Variants in XIRP2 observed in about 807,000 individuals in gnomAD.
XIRP2 encodes xin actin-binding repeat-containing protein 2.
Under a neutral mutation model 277.0 loss-of-function variants are expected in XIRP2, and 236 were observed. The ratio of observed to expected loss-of-function variants is 0.85; its 90% CI spans 0.77 to 0.95. XIRP2 has a LOEUF of 0.95. Ranked by LOEUF, XIRP2 falls within the 40% of genes least tolerant of loss-of-function variation. The probability of loss-of-function intolerance (pLI) is 0.00; values close to 1 mark genes in which losing one functional copy is unlikely to be tolerated. For synonymous variants in XIRP2, 1,490 were observed against 1,416.5 expected, an observed-to-expected ratio of 1.05 and a Z score of -1.17; for missense variants, 4,640 against 4,157.5, an observed-to-expected ratio of 1.12 and a Z score of -3.19.
At chr2:167,221,123 A>T (rs1694413273) in intron 5 of XIRP2, among the ~76,000 whole-genome samples, 1 of 152,210 alleles carries the variant, frequency 6.6e-6, no homozygotes, top group Non-Finnish European at 1.5e-5. Context: ...ATAAACTAGT[A>T]AACACCATTT....
chr2:167,063,365 G>C (rs1215478249), intron 2 of XIRP2, among the ~76,000 whole-genome samples: 2 of 151,966 alleles, frequency 1.3e-5, no homozygotes, highest in Non-Finnish European at 2.9e-5. Context: ...CATTTGAAAA[G>C]AAGGTGTATT....
intron 3 of XIRP2, among the ~76,000 whole-genome samples, chr2:167,137,028 C>T (rs1481076608): frequency 6.6e-6 from 1 of 152,196 alleles, no homozygotes; most frequent in African/African-American, 2.4e-5. Context: ...TCTACTAAAT[C>T]AGAATCTGCA....
chr2:166,978,077 A>G (rs1401141477), intron 2 of XIRP2, among the ~76,000 whole-genome samples: 1 of 152,098 alleles, frequency 6.6e-6, no homozygotes, highest in Admixed American at 6.6e-5. Context: ...AGTAGTCAAA[A>G]TTCATTTCTT....
intron 2 of XIRP2, among the ~76,000 whole-genome samples, chr2:167,069,834 G>C (rs943882760): frequency 6.6e-6 from 1 of 152,070 alleles, no homozygotes; most frequent in African/African-American, 2.4e-5. Context: ...CTTGTATAAT[G>C]CTCCACTTCC....
chr2:167,240,727 CAAGAAACTGGT>C lies in XIRP2; in HGVS notation c.1038_1042+6del, dbSNP rs777151723. 140 of 1,613,456 alleles carry C rather than the reference CAAGAAACTGGT, an allele frequency of 8.7e-5. No homozygotes were observed. Among genetic ancestry groups the C allele is most frequent in the Non-Finnish European group, 1.2e-4 (137 of 1,179,622 alleles). Reference sequence around the variant, plus strand: ...AGCATCTCAGTTTCATCAATATGTTCAAGAAACTGGTAAGAGTCTGGTATTATTGGTTCCAA... The same window carrying C: ...AGCATCTCAGTTTCATCAATATGTTCAAGAGTCTGGTATTATTGGTTCCAA... On this transcript the variant is annotated splice_donor_variant and coding_sequence_variant, in exon 7 of 11. Transcript: ENST00000409195. LOFTEE classifies it high-confidence loss of function.
intron 5 of XIRP2, among the ~76,000 whole-genome samples, chr2:167,220,090 G>A (rs1573968848): frequency 6.6e-6 from 1 of 152,144 alleles, no homozygotes; most frequent in South Asian, 2.1e-4. Context: ...ACACTATCTT[G>A]CTAACAGCTT....
chr2:166,936,540 C>A (rs149466031), intron 2 of XIRP2, among the ~76,000 whole-genome samples: 1 of 152,192 alleles, frequency 6.6e-6, no homozygotes, highest in African/African-American at 2.4e-5. Flanking sequence ...GTTTTCATAG[C>A]TTTAGGTCTA....
intron 3 of XIRP2, among the ~76,000 whole-genome samples, chr2:167,181,530 T>G (rs1358734283): frequency 6.6e-6 from 1 of 152,136 alleles, no homozygotes; most frequent in Non-Finnish European, 1.5e-5. Flanking sequence ...ATTTTTTATT[T>G]TTTAAATTAT....
chr2:166,966,120 A>G (rs1686426930), intron 2 of XIRP2, among the ~76,000 whole-genome samples: 1 of 151,910 alleles, frequency 6.6e-6, no homozygotes, highest in South Asian at 2.1e-4. Context: ...CTCCATAAAA[A>G]TGTCTACACT....
intron 1 of XIRP2, among the ~76,000 whole-genome samples, chr2:166,893,187 G>A (rs548166148): frequency 2.6e-5 from 4 of 152,020 alleles, no homozygotes; most frequent in Non-Finnish European, 5.9e-5. Context: ...AAATATTAGA[G>A]TAACTGGTGG....
chr2:167,082,035 C>T (rs546628483), intron 2 of XIRP2, among the ~76,000 whole-genome samples: 30 of 151,398 alleles, frequency 2.0e-4, no homozygotes, highest in African/African-American at 6.1e-4. Flanking sequence ...CATGCTGGTG[C>T]GCTGCACCCA....
At chr2:167,254,274 G>C in intron 10 of XIRP2, 109 bp downstream of exon 10, 2 of 1,260,984 alleles carry the variant, frequency 1.6e-6, no homozygotes, top group Non-Finnish European at 2.1e-6. Context: ...TGCTGCGTCA[G>C]TTAACACAAC....
At chr2:166,948,227 T>C (rs1235862449) in intron 2 of XIRP2, among the ~76,000 whole-genome samples, 1 of 152,118 alleles carries the variant, frequency 6.6e-6, no homozygotes, top group East Asian at 1.9e-4. Flanking sequence ...TGTGTGATTA[T>C]GATATGTTAA....
At chr2:167,211,692 C>T (rs1694052529) in intron 4 of XIRP2, among the ~76,000 whole-genome samples, 1 of 152,048 alleles carries the variant, frequency 6.6e-6, no homozygotes, top group African/African-American at 2.4e-5. Flanking sequence ...TGGCTTTTCT[C>T]GTTTCTCTGT....
chr2:166,889,111 C>G (rs1247824150), intron 1 of XIRP2, among the ~76,000 whole-genome samples: 2 of 152,138 alleles, frequency 1.3e-5, no homozygotes, highest in Non-Finnish European at 2.9e-5. Flanking sequence ...GTGGTTGTTG[C>G]AAACCCCTCA....
intron 2 of XIRP2, among the ~76,000 whole-genome samples, chr2:167,086,328 G>A (rs1318600277): frequency 1.3e-5 from 2 of 152,130 alleles, no homozygotes; most frequent in Non-Finnish European, 2.9e-5. Context: ...AGTCTGATGG[G>A]CTTCCCTTTG....
intron 5 of XIRP2, among the ~76,000 whole-genome samples, chr2:167,232,824 C>T (rs1337737459): frequency 6.6e-6 from 1 of 151,832 alleles, no homozygotes; most frequent in Admixed American, 6.6e-5. Context: ...AAATGTGATA[C>T]TAACCCAGGA....
intron 2 of XIRP2, among the ~76,000 whole-genome samples, chr2:167,009,458 G>C (rs956303692): frequency 2.4e-4 from 36 of 151,748 alleles, no homozygotes; most frequent in African/African-American, 5.8e-4. Flanking sequence ...TTAATCCAGT[G>C]TATCATTGTC....
At chr2:166,934,320 CA>C (rs981269022) in intron 2 of XIRP2, among the ~76,000 whole-genome samples, 50 of 151,944 alleles carry the variant, frequency 3.3e-4, no homozygotes, top group African/African-American at 1.1e-3. Flanking sequence ...GGAGCAGCTT[CA>C]AAAAGCTGAG....
Sources: allele counts gnomAD v4.1 joint callset (sites outside exome capture counted in the v4.1 genomes callset), GRCh38; gene constraint gnomAD v4.1.1; transcripts MANE v1.5; gene names NCBI Gene and HGNC (gene_info 2026-07-23, HGNC 2026-07-21).